Variants in ITGB5 observed in about 807,000 individuals in gnomAD.
The protein encoded by ITGB5 is integrin subunit beta 5.
In ITGB5, 38 loss-of-function variants were observed where a neutral mutation model predicts 84.8. The ratio of observed to expected loss-of-function variants is 0.45; its 90% confidence interval spans 0.35 to 0.59. The LOEUF (loss-of-function observed/expected upper bound fraction) is 0.59, where lower values mean the gene tolerates loss of function less well. ITGB5 is among the 20% of genes least tolerant of loss of function. The probability of loss-of-function intolerance (pLI) is 0.01; values close to 1 mark genes in which losing one functional copy is unlikely to be tolerated. For synonymous variants in ITGB5, 393 were observed against 414.4 expected (o/e 0.95, Z 0.63); for missense variants, 905 against 1,034.5 (o/e 0.87, Z 1.72).
At chr3:124,889,810 C>T (rs558077991), upstream of ITGB5, among the ~76,000 whole-genome samples, 48 of 152,182 alleles carry the variant, frequency 3.2e-4, no homozygotes, top group Non-Finnish European at 5.6e-4. Context: ...GGCCAAAGTT[C>T]GAGATGAGCC....
At chr3:124,900,598 C>T (rs1357784251) in intron 1 of ITGB5, among the ~76,000 whole-genome samples, 2 of 152,144 alleles carry the variant, frequency 1.3e-5, no homozygotes, top group African/African-American at 2.4e-5. Flanking sequence ...AGCCCTGAGA[C>T]TGAGAAGAAC....
chr3:124,876,054 A>G (rs1472274468), intron 1 of ITGB5, among the ~76,000 whole-genome samples: 1 of 152,194 alleles, frequency 6.6e-6, no homozygotes, highest in African/African-American at 2.4e-5. Context: ...GAGAGAATGA[A>G]TAAGTTCTGG....
At chr3:124,778,971 G>C (rs1381401996) in intron 10 of ITGB5, among the ~76,000 whole-genome samples, 1 of 152,168 alleles carries the variant, frequency 6.6e-6, no homozygotes, top group Non-Finnish European at 1.5e-5. Context: ...GGGTCACCTT[G>C]GGCAGGTCCC....
At chr3:124,872,605 C>A (rs2107638566) in intron 2 of ITGB5, among the ~76,000 whole-genome samples, 1 of 152,258 alleles carries the variant, frequency 6.6e-6, no homozygotes, top group East Asian at 1.9e-4. Context: ...GTCAAAAAGT[C>A]CTGGATTCCT....
chr3:124,776,555 T>C (rs900558282), intron 10 of ITGB5, among the ~76,000 whole-genome samples: 8 of 152,202 alleles, frequency 5.3e-5, no homozygotes, highest in Non-Finnish European at 1.2e-4. Flanking sequence ...TGCTTATCTA[T>C]CCACCTGTCT....
chr3:124,876,810 G>A (rs1366571527), intron 1 of ITGB5, among the ~76,000 whole-genome samples: 1 of 152,164 alleles, frequency 6.6e-6, no homozygotes, highest in Non-Finnish European at 1.5e-5. Context: ...CACTTCAGCA[G>A]GAAAAGCCAT....
intron 1 of ITGB5, 27 bp downstream of exon 1, chr3:124,886,904 C>G: frequency 8.3e-7 from 1 of 1,206,960 alleles, no homozygotes; most frequent in Non-Finnish European, 1.0e-6. Context: ...CAAAGTTTCT[C>G]TGGGCGCCGT....
chr3:124,766,059 C>CAA (rs376914121), intron 13 of ITGB5, among the ~76,000 whole-genome samples, 167 bp downstream of exon 13: 4,855 of 104,384 alleles, frequency 0.047, 213 homozygotes, highest in African/African-American at 0.11. Flanking sequence ...CAGCCTGTGT[C>CAA]AAAAAAAAAA....
intron 4 of ITGB5, among the ~76,000 whole-genome samples, chr3:124,843,813 C>T (rs532147295): frequency 2.1e-4 from 32 of 152,134 alleles, no homozygotes; most frequent in African/African-American, 3.1e-4. Context: ...CCCAAATAAG[C>T]GCCATGCATA....
intron 9 of ITGB5, among the ~76,000 whole-genome samples, chr3:124,800,741 T>A (rs1048532789): frequency 6.6e-6 from 1 of 151,896 alleles, no homozygotes; most frequent in African/African-American, 2.4e-5. Context: ...TTTCAGAGGG[T>A]CCATTTTCCC....
chr3:124,898,941 G>T (rs938410336), intron 1 of ITGB5, among the ~76,000 whole-genome samples: 1 of 151,826 alleles, frequency 6.6e-6, no homozygotes, highest in Admixed American at 6.6e-5. Context: ...CCAGAGAAGT[G>T]GCAAATGCCT....
At chr3:124,858,715 G>GGCA (rs2065253936) in intron 3 of ITGB5, among the ~76,000 whole-genome samples, 1 of 152,106 alleles carries the variant, frequency 6.6e-6, no homozygotes, top group Non-Finnish European at 1.5e-5. Context: ...AAGTAGAGTA[G>GGCA]GCAGCCACTA....
At chr3:124,826,587 C>T (rs75445473) in intron 5 of ITGB5, among the ~76,000 whole-genome samples, 253 of 152,280 alleles carry the variant, frequency 1.7e-3, no homozygotes, top group Middle Eastern at 3.4e-3. Context: ...GATGAAGTGA[C>T]CAGCCCATCA....
chr3:124,823,346 G>A (rs1000931814), intron 5 of ITGB5, among the ~76,000 whole-genome samples: 2 of 151,216 alleles, frequency 1.3e-5, no homozygotes, highest in Non-Finnish European at 3.0e-5. Context: ...AAGGGAGAAG[G>A]CAGAAGAGGA....
chr3:124,771,191 A>AAATC (rs2063838190), intron 11 of ITGB5, among the ~76,000 whole-genome samples: 1 of 152,214 alleles, frequency 6.6e-6, no homozygotes, highest in Admixed American at 6.5e-5. Context: ...CTGTTAACTG[A>AAATC]AATCAGCTGG....
chr3:124,883,496 T>C (rs567084024), intron 1 of ITGB5, among the ~76,000 whole-genome samples: 1 of 152,194 alleles, frequency 6.6e-6, no homozygotes, highest in Non-Finnish European at 1.5e-5. Context: ...TTCATTGTCC[T>C]GTCAGCTCTA....
chr3:124,854,835 T>C (rs567395003), intron 3 of ITGB5, among the ~76,000 whole-genome samples: 1 of 152,354 alleles, frequency 6.6e-6, no homozygotes, highest in Admixed American at 6.5e-5. Flanking sequence ...AATTTTTATT[T>C]CCTTCCTGAG....
chr3:124,883,777 C>T (rs1383798530), intron 1 of ITGB5, among the ~76,000 whole-genome samples: 1 of 152,216 alleles, frequency 6.6e-6, no homozygotes, highest in African/African-American at 2.4e-5. Flanking sequence ...GTTCCTCTCT[C>T]TGTCTTAGCA....
intron 5 of ITGB5, chr3:124,833,156 G>A (rs2064882825): frequency 6.6e-6 from 1 of 152,058 alleles, no homozygotes; most frequent in African/African-American, 2.4e-5. Flanking sequence ...TCTTTCCTTG[G>A]GAAAAAGAAA....
Sources: gnomAD v4.1 joint callset for allele counts (sites outside exome capture counted in the v4.1 genomes callset) on GRCh38, gnomAD v4.1.1 for gene constraint, MANE v1.5 for transcripts, NCBI Gene and HGNC (gene_info 2026-07-23, HGNC 2026-07-21) for gene names.